GALNTL6: variants seen among roughly 807,000 people sequenced by gnomAD.
GALNTL6 encodes the protein polypeptide N-acetylgalactosaminyltransferase like 6.
GALNTL6 carries 46 observed loss-of-function variants against 73.7 expected under a neutral mutation model. The ratio of observed to expected loss-of-function variants is 0.62; its 90% confidence interval spans 0.49 to 0.80. The LOEUF (loss-of-function observed/expected upper bound fraction) is 0.80. GALNTL6 is among the 30% of genes least tolerant of loss of function. The probability of loss-of-function intolerance (pLI) is 0.00; values close to 1 mark genes in which losing one functional copy is unlikely to be tolerated. For synonymous variants in GALNTL6, 259 were observed against 263.7 expected, an observed-to-expected ratio of 0.98 and a Z score of 0.17; for missense variants, 604 against 755.0, an observed-to-expected ratio of 0.80 and a Z score of 2.34.
intron 2 of GALNTL6, among the ~76,000 whole-genome samples, chr4:171,871,584 G>A (rs980867630): frequency 6.6e-6 from 1 of 151,950 alleles, no homozygotes; most frequent in Non-Finnish European, 1.5e-5. Flanking sequence ...ATCCTTGTAT[G>A]GAATTACTAA....
At chr4:172,740,756 G>A (rs2110735945) in intron 5 of GALNTL6, among the ~76,000 whole-genome samples, 1 of 152,128 alleles carries the variant, frequency 6.6e-6, no homozygotes, top group East Asian at 1.9e-4. Flanking sequence ...TTACCCACAA[G>A]AATAGTGCTG....
At chr4:172,898,093 T>A (rs1430488316) in intron 8 of GALNTL6, among the ~76,000 whole-genome samples, 1 of 152,142 alleles carries the variant, frequency 6.6e-6, no homozygotes, top group Non-Finnish European at 1.5e-5. Flanking sequence ...ATGTTTGTAT[T>A]TTTTCTAGAA....
At chr4:172,432,703 T>C (rs937721795) in intron 5 of GALNTL6, among the ~76,000 whole-genome samples, 3 of 152,074 alleles carry the variant, frequency 2.0e-5, no homozygotes, top group African/African-American at 7.2e-5. Context: ...AATTTATAGG[T>C]ATGTAAATTA....
At chr4:172,085,895 C>A (rs1396291272) in intron 2 of GALNTL6, among the ~76,000 whole-genome samples, 1 of 152,072 alleles carries the variant, frequency 6.6e-6, no homozygotes, top group East Asian at 1.9e-4. Context: ...ACTTCTCTAC[C>A]TGACATCACA....
chr4:172,882,692 C>A, intron 7 of GALNTL6, 98 bp from the exon 8 acceptor site: 1 of 811,452 alleles, frequency 1.2e-6, no homozygotes, highest in Non-Finnish European at 2.2e-6. Context: ...ACACAGCTGA[C>A]CACTAAAACA....
chr4:172,091,105 G>A (rs116145913), intron 2 of GALNTL6, among the ~76,000 whole-genome samples: 2,538 of 152,020 alleles, frequency 0.017, 60 homozygotes, highest in African/African-American at 0.055. Flanking sequence ...GTAATTACAA[G>A]TTTCTTTTTT....
At chr4:172,082,572 A>G (rs1392363606) in intron 2 of GALNTL6, among the ~76,000 whole-genome samples, 1 of 152,230 alleles carries the variant, frequency 6.6e-6, no homozygotes, top group Non-Finnish European at 1.5e-5. Flanking sequence ...AAGACAATGA[A>G]CATTGAAAGT....
intron 5 of GALNTL6, among the ~76,000 whole-genome samples, chr4:172,594,421 A>T (rs1190644112): frequency 6.6e-6 from 1 of 152,070 alleles, no homozygotes; most frequent in Admixed American, 6.6e-5. Flanking sequence ...ATTTATTTGA[A>T]CTCTTATGTG....
At chr4:172,539,878 TATATA>T (rs1561128638) in intron 5 of GALNTL6, among the ~76,000 whole-genome samples, 355 of 5,284 alleles carry the variant, frequency 0.067, 3 homozygotes, top group African/African-American at 0.15. Context: ...CATATGATTA[TATATA>T]TATATATATA....
chr4:172,421,662 A>G (rs1298951512), intron 5 of GALNTL6, among the ~76,000 whole-genome samples: 1 of 152,084 alleles, frequency 6.6e-6, no homozygotes, highest in Non-Finnish European at 1.5e-5. Flanking sequence ...AACTCTACAT[A>G]AGAAATGTTC....
At chr4:172,667,938 G>T (rs1331700297) in intron 5 of GALNTL6, 1 of 152,074 alleles carries the variant, frequency 6.6e-6, no homozygotes, top group Non-Finnish European at 1.5e-5. Flanking sequence ...ATTTTCCCCC[G>T]CATTAAATTA....
At chr4:172,907,700 C>A (rs1354376704) in intron 8 of GALNTL6, among the ~76,000 whole-genome samples, 1 of 152,170 alleles carries the variant, frequency 6.6e-6, no homozygotes, top group Admixed American at 6.5e-5. Flanking sequence ...AAATGTAATG[C>A]CTTTCCCATC....
chr4:172,883,180 C>T (rs1745550492), intron 8 of GALNTL6, among the ~76,000 whole-genome samples: 1 of 152,060 alleles, frequency 6.6e-6, no homozygotes, highest in African/African-American at 2.4e-5. Context: ...CTGGGATATC[C>T]ATCACCTCAA....
chr4:172,974,911 T>G (rs1479714057), intron 10 of GALNTL6, among the ~76,000 whole-genome samples: 1 of 152,154 alleles, frequency 6.6e-6, no homozygotes, highest in Non-Finnish European at 1.5e-5. Flanking sequence ...GGGAACACAG[T>G]GATGCTCAGA....
At chr4:172,751,249 T>C (rs1239032111) in intron 5 of GALNTL6, among the ~76,000 whole-genome samples, 3 of 152,208 alleles carry the variant, frequency 2.0e-5, no homozygotes, top group Non-Finnish European at 4.4e-5. Context: ...ACTTTAGTCT[T>C]TTCAGTATTA....
intron 5 of GALNTL6, among the ~76,000 whole-genome samples, chr4:172,684,590 G>A (rs1437840): frequency 0.095 from 14,516 of 152,194 alleles, 885 homozygotes; most frequent in East Asian, 0.21. Flanking sequence ...CATGGAAAAG[G>A]AAGAAGAAAC....
chr4:171,903,793 A>G (rs1326043652), intron 2 of GALNTL6, among the ~76,000 whole-genome samples: 1 of 152,046 alleles, frequency 6.6e-6, no homozygotes, highest in Non-Finnish European at 1.5e-5. Context: ...GCAGCTGGAG[A>G]TCTGAGAACG....
intron 5 of GALNTL6, among the ~76,000 whole-genome samples, chr4:172,578,367 C>T (rs1737042506): frequency 6.6e-6 from 1 of 152,192 alleles, no homozygotes; most frequent in Non-Finnish European, 1.5e-5. Flanking sequence ...ACACGTTCTT[C>T]AGCTTAGGCT....
intron 5 of GALNTL6, among the ~76,000 whole-genome samples, chr4:172,580,720 CAG>C (rs1737146564): frequency 6.6e-6 from 1 of 152,046 alleles, no homozygotes; most frequent in African/African-American, 2.4e-5. Flanking sequence ...TGGGGAGAAA[CAG>C]AAAAAAATAC....
Sources: allele counts gnomAD v4.1 joint callset (sites outside exome capture counted in the v4.1 genomes callset), GRCh38; gene constraint gnomAD v4.1.1; transcripts MANE v1.5; gene names NCBI Gene and HGNC (gene_info 2026-07-23, HGNC 2026-07-21).